AMMECR1: variants seen among roughly 807,000 people sequenced by gnomAD.
The protein encoded by AMMECR1 is AMMECR nuclear protein 1.
A neutral mutation model predicts 22.5 loss-of-function variants in AMMECR1; 3 were observed. The observed-to-expected ratio is 0.13, with a 90% CI of 0.06 to 0.35. AMMECR1 has a LOEUF of 0.35. AMMECR1 is among the 10% of genes least tolerant of loss of function. AMMECR1 has a pLI of 1.00. For synonymous variants in AMMECR1, 130 were observed against 116.7 expected, an observed-to-expected ratio of 1.11 and a Z score of -0.74; for missense variants, 235 against 278.7, an observed-to-expected ratio of 0.84 and a Z score of 1.12.
intron 2 of AMMECR1, among the ~76,000 whole-genome samples, chrX:110,336,884 T>C (rs186751522): frequency 7.2e-5 from 8 of 111,547 alleles, no homozygotes; most frequent in African/African-American, 2.0e-4. Context: ...GAATGAGAGA[T>C]AGAATGCCCA....
intron 2 of AMMECR1, among the ~76,000 whole-genome samples, chrX:110,380,817 C>T (rs2068413524): frequency 8.9e-6 from 1 of 112,141 alleles, no homozygotes; most frequent in African/African-American, 3.2e-5. Flanking sequence ...TAGTCTTTGA[C>T]AAAGTTGATA....
intron 2 of AMMECR1, among the ~76,000 whole-genome samples, chrX:110,396,171 C>T (rs1057160763): frequency 9.0e-5 from 10 of 110,750 alleles, no homozygotes; most frequent in Middle Eastern, 4.7e-3. Flanking sequence ...ATTTGTTGCC[C>T]GAATGAATGG....
chrX:110,310,006 C>T (rs1480307254), intron 1 of AMMECR1, among the ~76,000 whole-genome samples: 1 of 112,153 alleles, frequency 8.9e-6, no homozygotes, highest in Non-Finnish European at 1.9e-5. Context: ...ATTAAAGAAA[C>T]CCAAAATTCT....
At chrX:110,225,365 C>T (rs1434951990) in intron 2 of AMMECR1, among the ~76,000 whole-genome samples, 2 of 112,191 alleles carry the variant, frequency 1.8e-5, no homozygotes, top group African/African-American at 6.5e-5. Context: ...ATTTTCTTGC[C>T]CTTGCATTAT....
At chrX:110,421,130 T>A (rs1163004040) in intron 2 of AMMECR1, among the ~76,000 whole-genome samples, 1 of 112,467 alleles carries the variant, frequency 8.9e-6, no homozygotes, top group Non-Finnish European at 1.9e-5. Flanking sequence ...CCCCTCTGAC[T>A]TTTTTGCACA....
intron 2 of AMMECR1, among the ~76,000 whole-genome samples, chrX:110,234,735 T>C (rs1400048316): frequency 1.8e-5 from 2 of 111,686 alleles, no homozygotes; most frequent in South Asian, 3.8e-4. Context: ...AGGGAAAGGA[T>C]TCCCTATTTA....
chrX:110,277,909 G>A (rs1602853854), intron 1 of AMMECR1, among the ~76,000 whole-genome samples: 1 of 112,178 alleles, frequency 8.9e-6, no homozygotes, highest in Middle Eastern at 4.6e-3. Context: ...TTTAAAAAAA[G>A]TGCAATCTGA....
At chrX:110,235,803 G>C (rs1300774136) in intron 2 of AMMECR1, among the ~76,000 whole-genome samples, 4 of 111,318 alleles carry the variant, frequency 3.6e-5, no homozygotes, top group South Asian at 3.8e-4. Flanking sequence ...TCACACACCA[G>C]GGCCTGTTGT....
At chrX:110,422,297 G>T (rs1433854322) in intron 2 of AMMECR1, among the ~76,000 whole-genome samples, 1 of 112,777 alleles carries the variant, frequency 8.9e-6, no homozygotes, top group Non-Finnish European at 1.9e-5. Context: ...CCCTTTTCTG[G>T]CAGCCTTTTG....
chrX:110,427,916 C>T (rs989223268), intron 1 of AMMECR1, among the ~76,000 whole-genome samples: 1 of 111,828 alleles, frequency 8.9e-6, no homozygotes, highest in Admixed American at 9.5e-5. Flanking sequence ...ACCCAGCTAA[C>T]ACCATCTCAT....
intron 2 of AMMECR1, among the ~76,000 whole-genome samples, chrX:110,231,923 C>T (rs781462464): frequency 1.7e-4 from 19 of 111,365 alleles, no homozygotes; most frequent in Non-Finnish European, 7.6e-5. Flanking sequence ...CAAAAAAGGC[C>T]ATTACATAAT....
At chrX:110,423,485 C>T (rs190175719) in intron 2 of AMMECR1, among the ~76,000 whole-genome samples, 16 of 112,140 alleles carry the variant, frequency 1.4e-4, no homozygotes, top group African/African-American at 4.9e-4. Flanking sequence ...GCTCTCCAGG[C>T]TGGCAGGTCA....
At chrX:110,272,470 C>T (rs2067804221) in intron 1 of AMMECR1, among the ~76,000 whole-genome samples, 1 of 111,650 alleles carries the variant, frequency 9.0e-6, no homozygotes, top group African/African-American at 3.3e-5. Context: ...GAATTCGTAA[C>T]ACTTCAAACA....
chrX:110,286,909 A>G (rs1162215026), intron 1 of AMMECR1, among the ~76,000 whole-genome samples: 6 of 111,144 alleles, frequency 5.4e-5, no homozygotes, highest in Non-Finnish European at 9.4e-5. Context: ...GAGGCCCACA[A>G]GGTGCTTCAA....
intron 1 of AMMECR1, among the ~76,000 whole-genome samples, chrX:110,429,684 G>A (rs1464803052): frequency 9.1e-6 from 1 of 110,151 alleles, no homozygotes; most frequent in Non-Finnish European, 1.9e-5. Flanking sequence ...GTTTCACCAT[G>A]TTGGCCAGGC....
Position 110,273,113 on chromosome X carries a change from A to C in AMMECR1, c.474-8514T>G, listed in dbSNP as rs549522456. 6.2e-5 allele frequency among the ~76,000 whole-genome samples: 7 copies of C among 112,196 alleles called. No homozygotes were observed. The South Asian group carries it at 2.6e-3, about 41-fold the overall frequency. ...CCTGTTTTCCATAAAAGTTGAACTA[A>C]TTTACATACCCTCCAACAATGTATA... On this transcript the variant is annotated intron_variant, in intron 1 of 5. Coordinates refer to ENST00000262844, the MANE Select transcript of AMMECR1 (RefSeq NM_015365.3).
chrX:110,228,211 C>G (rs1280929769), intron 2 of AMMECR1, among the ~76,000 whole-genome samples: 2 of 111,758 alleles, frequency 1.8e-5, no homozygotes, highest in African/African-American at 6.5e-5. Flanking sequence ...GTTTCCAAAG[C>G]ATCTTCACAT....
intron 3 of AMMECR1, among the ~76,000 whole-genome samples, chrX:110,210,447 C>A (rs2067442403): frequency 9.0e-6 from 1 of 111,044 alleles, no homozygotes; most frequent in Admixed American, 9.6e-5. Flanking sequence ...GAAAAACTAA[C>A]CAAGAGGGGA....
chrX:110,206,547 C>T (rs924226154), intron 3 of AMMECR1, among the ~76,000 whole-genome samples: 11 of 111,937 alleles, frequency 9.8e-5, no homozygotes, highest in Non-Finnish European at 2.1e-4. Flanking sequence ...TGTCAGCAAG[C>T]CAACAATCTG....
Sources: gnomAD v4.1 joint callset for allele counts (sites outside exome capture counted in the v4.1 genomes callset) on GRCh38, gnomAD v4.1.1 for gene constraint, MANE v1.5 for transcripts, NCBI Gene and HGNC (gene_info 2026-07-23, HGNC 2026-07-21) for gene names.